The following STAU1 variants were observed in gnomAD, a reference collection of about 807,000 sequenced individuals.
STAU1 encodes the protein staufen double-stranded RNA binding protein 1.
A neutral mutation model predicts 62.9 loss-of-function variants in STAU1; 13 were observed. That is an observed-to-expected ratio of 0.21 (90% CI 0.13 to 0.33). The LOEUF is 0.33. Among genes scored for constraint, STAU1 ranks in the 10% least tolerant of loss-of-function variants. The pLI is 1.00. For synonymous variants in STAU1, 269 were observed against 265.1 expected, an observed-to-expected ratio of 1.01 and a Z score of -0.14; for missense variants, 571 against 712.1, an observed-to-expected ratio of 0.80 and a Z score of 2.25.
intron 1 of STAU1, among the ~76,000 whole-genome samples, chr20:49,178,042 T>C (rs918599899): frequency 1.3e-5 from 2 of 152,024 alleles, no homozygotes; most frequent in African/African-American, 4.8e-5. Context: ...CTAGGCATGA[T>C]GGCATGCACC....
the STAU1 span, among the ~76,000 whole-genome samples, chr20:49,209,253 G>GC: frequency 1.4e-4 from 18 of 126,976 alleles, no homozygotes; most frequent in Non-Finnish European, 2.8e-4. Context: ...TATCTAAAAA[G>GC]AAAAAAAAAA....
At chr20:49,157,695 G>C (rs2093383234) in intron 3 of STAU1, among the ~76,000 whole-genome samples, 1 of 151,934 alleles carries the variant, frequency 6.6e-6, no homozygotes, top group African/African-American at 2.4e-5. Context: ...GGCCAGGATG[G>C]TCTTGGTCTC....
chr20:49,144,987 A>T (rs865989764), intron 5 of STAU1, among the ~76,000 whole-genome samples: 1 of 152,178 alleles, frequency 6.6e-6, no homozygotes, highest in Non-Finnish European at 1.5e-5. Flanking sequence ...GATCCAAAAG[A>T]CCCCTATGAT....
the STAU1 span, chr20:49,219,293 G>T: frequency 2.9e-5 from 43 of 1,489,360 alleles, no homozygotes; most frequent in Non-Finnish European, 3.2e-5. Flanking sequence ...CCATATTGCC[G>T]CATGCGCACT....
chr20:49,124,672 A>C (rs2092550712), intron 6 of STAU1, 85 bp from the exon 7 acceptor site: 2 of 1,421,480 alleles, frequency 1.4e-6, no homozygotes, highest in Non-Finnish European at 2.0e-6. Flanking sequence ...CTTCACACAG[A>C]CACAGGGAAG....
At chr20:49,163,265 A>T (rs746988240) in intron 3 of STAU1, among the ~76,000 whole-genome samples, 1 of 151,340 alleles carries the variant, frequency 6.6e-6, no homozygotes, top group Non-Finnish European at 1.5e-5. Context: ...GGGTGTTGGG[A>T]AGCAGAATAT....
chr20:49,187,867 T>A (rs1188972741), intron 1 of STAU1, among the ~76,000 whole-genome samples: 7 of 140,798 alleles, frequency 5.0e-5, no homozygotes, highest in African/African-American at 1.5e-4. Flanking sequence ...CCGCAGCACC[T>A]GTTTGTGGCA....
the STAU1 span, among the ~76,000 whole-genome samples, chr20:49,197,594 G>A: frequency 6.6e-6 from 1 of 151,748 alleles, no homozygotes; most frequent in South Asian, 2.1e-4. Flanking sequence ...AGAGACGGGG[G>A]TTTTGCCATG....
chr20:49,197,619 C>T, the STAU1 span, among the ~76,000 whole-genome samples: 1 of 152,000 alleles, frequency 6.6e-6, no homozygotes, highest in African/African-American at 2.4e-5. Flanking sequence ...CCAGGCTGGT[C>T]TCGAACTCCC....
At chr20:49,121,841 T>C (rs1045619778) in intron 8 of STAU1, among the ~76,000 whole-genome samples, 3 of 152,218 alleles carry the variant, frequency 2.0e-5, no homozygotes, top group Non-Finnish European at 4.4e-5. Flanking sequence ...CATCACTACT[T>C]ACAACCCCCT....
At chr20:49,219,013 CAAAAAA>C in the STAU1 span, among the ~76,000 whole-genome samples, 2 of 53,176 alleles carry the variant, frequency 3.8e-5, no homozygotes, top group South Asian at 6.1e-4. Flanking sequence ...AACCCTGCCT[CAAAAAA>C]AAAAAAAAAA....
At chr20:49,146,804 C>T (rs1342348702) in intron 5 of STAU1, among the ~76,000 whole-genome samples, 2 of 152,076 alleles carry the variant, frequency 1.3e-5, no homozygotes, top group East Asian at 3.9e-4. Flanking sequence ...ATCTTCATCC[C>T]TTTTCATGCC....
the STAU1 span, among the ~76,000 whole-genome samples, chr20:49,197,207 C>T: frequency 1.3e-5 from 2 of 148,766 alleles, no homozygotes; most frequent in African/African-American, 2.5e-5. Flanking sequence ...TCAACCTAAG[C>T]TTGGCTAAAT....
In STAU1 at chr20:49,124,604, G is replaced by C. The variant is rs2092548321; in HGVS notation, c.610-17C>G. Reference sequence around the variant, plus strand: ...CCGGGCCACCTGTTTCAGAGGGAAAGACTGAGTGAAAGCGGACAGACACTT... The same window carrying C: ...CCGGGCCACCTGTTTCAGAGGGAAACACTGAGTGAAAGCGGACAGACACTT... On this transcript the variant is annotated splice_polypyrimidine_tract_variant and intron_variant, in intron 6 of 13. Coordinates refer to ENST00000371856, the MANE Select transcript of STAU1 (RefSeq NM_017453.4). The C allele has an allele frequency of 6.2e-7, 1 of 1,612,916 alleles. No homozygotes were observed. Among genetic ancestry groups the C allele is most frequent in the Non-Finnish European group, 8.5e-7 (1 of 1,179,856 alleles).
chr20:49,187,771 G>T (rs1477306794), intron 1 of STAU1, among the ~76,000 whole-genome samples: 1 of 39,140 alleles, frequency 2.6e-5, no homozygotes, highest in African/African-American at 1.9e-4. Context: ...CCTGAAGCAG[G>T]GACCCCCCCC....
At chr20:49,134,977 A>C in intron 6 of STAU1, 1 of 1,602,912 alleles carries the variant, frequency 6.2e-7, no homozygotes, top group Non-Finnish European at 8.5e-7. Flanking sequence ...TTGTGAAGAG[A>C]CAGTTCATGA....
At chr20:49,171,338 A>G (rs1204290264) in intron 2 of STAU1, among the ~76,000 whole-genome samples, 1 of 152,246 alleles carries the variant, frequency 6.6e-6, no homozygotes, top group Non-Finnish European at 1.5e-5. Context: ...TCTGTTGCCC[A>G]GGCTGGAGTG....
At chr20:49,153,627 C>T (rs2093299559) in intron 4 of STAU1, among the ~76,000 whole-genome samples, 1 of 142,386 alleles carries the variant, frequency 7.0e-6, no homozygotes, top group Non-Finnish European at 1.5e-5. Flanking sequence ...AGCCTCCTCA[C>T]TTGAACCCAG....
At chr20:49,147,391 A>G (rs1426158174) in intron 5 of STAU1, among the ~76,000 whole-genome samples, 3 of 152,258 alleles carry the variant, frequency 2.0e-5, no homozygotes, top group Non-Finnish European at 4.4e-5. Context: ...GCTTTACTGC[A>G]TATCTTCTAG....
Sources: allele counts gnomAD v4.1 joint callset (sites outside exome capture counted in the v4.1 genomes callset), GRCh38; gene constraint gnomAD v4.1.1; transcripts MANE v1.5; gene names NCBI Gene and HGNC (gene_info 2026-07-23, HGNC 2026-07-21).